Variants in LIPJ observed in about 807,000 individuals in gnomAD.
LIPJ encodes the protein lipase family member J.
In LIPJ, 33 loss-of-function variants were observed where a neutral mutation model predicts 39.8. The ratio of observed to expected loss-of-function variants is 0.83; its 90% CI spans 0.63 to 1.11. The LOEUF (loss-of-function observed/expected upper bound fraction) is 1.11, where lower values mean the gene tolerates loss of function less well. Among genes scored for constraint, LIPJ ranks in the 50% least tolerant of loss-of-function variants. The pLI is 0.00. For missense variants in LIPJ, 422 were observed against 427.9 expected (o/e 0.99, Z 0.12); for synonymous variants, 128 against 139.2 (o/e 0.92, Z 0.57).
At chr10:88,604,376 C>A (rs1460457050) in intron 9 of LIPJ, among the ~76,000 whole-genome samples, 1 of 152,156 alleles carries the variant, frequency 6.6e-6, no homozygotes, top group Non-Finnish European at 1.5e-5. Context: ...ATAGTTTACA[C>A]TTTTAAAAGG....
At chr10:88,613,328 A>G in the LIPJ span, among the ~76,000 whole-genome samples, 1 of 152,150 alleles carries the variant, frequency 6.6e-6, no homozygotes, top group Non-Finnish European at 1.5e-5. Flanking sequence ...GAAGATAAAT[A>G]AGCATAACAT....
At chr10:88,591,394 A>G in exon 4 of LIPJ, 1 of 1,600,350 alleles carries the variant, frequency 6.2e-7, no homozygotes, top group Non-Finnish European at 8.5e-7. Context: ...ATTATTTCCT[A>G]CTGGGGCTAC....
intron 2 of LIPJ, among the ~76,000 whole-genome samples, chr10:88,589,913 A>G (rs562615520): frequency 6.6e-6 from 1 of 151,878 alleles, no homozygotes; most frequent in Admixed American, 6.6e-5. Context: ...TGAGTGGTGG[A>G]GCTAGGGGTT....
chr10:88,595,738 T>C (rs1469836548), intron 6 of LIPJ, among the ~76,000 whole-genome samples: 1 of 151,544 alleles, frequency 6.6e-6, no homozygotes, highest in Non-Finnish European at 1.5e-5. Flanking sequence ...AATCAGAATA[T>C]TGATGTGTAA....
intron 7 of LIPJ, 115 bp from the exon 8 acceptor site, chr10:88,596,674 AT>A (rs1851263955): frequency 9.3e-7 from 1 of 1,079,078 alleles, no homozygotes; most frequent in Non-Finnish European, 1.3e-6. Flanking sequence ...TTTATTTAAA[AT>A]TTTCAAACTA....
chr10:88,590,826 T>C, intron 3 of LIPJ, 130 bp downstream of exon 3: 1 of 631,870 alleles, frequency 1.6e-6, no homozygotes, highest in Non-Finnish European at 2.8e-6. Context: ...TCATCTGCTA[T>C]TCTATAGCTT....
intron 4 of LIPJ, chr10:88,593,585 G>A (rs1173367952): frequency 6.3e-6 from 1 of 159,808 alleles, no homozygotes; most frequent in Non-Finnish European, 1.4e-5. Flanking sequence ...ATGGCCATGT[G>A]CCAATGGATG....
the LIPJ span, among the ~76,000 whole-genome samples, chr10:88,622,853 CAG>C: frequency 6.6e-6 from 1 of 152,210 alleles, no homozygotes; most frequent in East Asian, 1.9e-4. Context: ...GCTGCATTGA[CAG>C]AGAAAAATGG....
the LIPJ span, among the ~76,000 whole-genome samples, chr10:88,619,533 C>T: frequency 6.6e-6 from 1 of 151,066 alleles, no homozygotes; most frequent in Non-Finnish European, 1.5e-5. Flanking sequence ...GGCTTTGGCC[C>T]CATGGCCTAC....
At chr10:88,595,026 G>C (rs1467534272) in intron 6 of LIPJ, among the ~76,000 whole-genome samples, 1 of 151,722 alleles carries the variant, frequency 6.6e-6, no homozygotes, top group Non-Finnish European at 1.5e-5. Flanking sequence ...TTGTATAAAA[G>C]TTGGATATCT....
intron 8 of LIPJ, among the ~76,000 whole-genome samples, chr10:88,597,678 T>C (rs1851306033): frequency 6.6e-6 from 1 of 151,954 alleles, no homozygotes; most frequent in African/African-American, 2.4e-5. Context: ...TTGTTGACTT[T>C]GTTGATTTTG....
downstream of LIPJ, among the ~76,000 whole-genome samples, chr10:88,611,105 C>CCCCAGTACCAGCCTAGAG (rs1851745687): frequency 1.3e-5 from 2 of 152,116 alleles, no homozygotes; most frequent in Admixed American, 1.3e-4. Context: ...TGCAGACACT[C>CCCCAGTACCAGCCTAGAG]CCCAGTACCA....
chr10:88,606,540 T>C, intron 10 of LIPJ, 134 bp from the exon 11 acceptor site: 1 of 560,966 alleles, frequency 1.8e-6, no homozygotes. Flanking sequence ...TCTCAACAGA[T>C]CCAGTAAGTT....
upstream of LIPJ, among the ~76,000 whole-genome samples, chr10:88,586,230 C>T (rs773083369): frequency 3.9e-5 from 6 of 152,086 alleles, no homozygotes; most frequent in East Asian, 1.9e-4. Context: ...TTTCTCATTA[C>T]GCCCCAACCT....
At chr10:88,587,322 G>A (rs1850941951) in exon 2 of LIPJ, 1 of 151,898 alleles carries the variant, frequency 6.6e-6, no homozygotes, top group African/African-American at 2.4e-5. Flanking sequence ...TTTGCTAAAA[G>A]AAACACAATA....
At chr10:88,620,033 G>A in the LIPJ span, among the ~76,000 whole-genome samples, 1 of 151,970 alleles carries the variant, frequency 6.6e-6, no homozygotes, top group African/African-American at 2.4e-5. Context: ...GCAATTTAAA[G>A]AAACAAACAA....
At chr10:88,592,682 G>A (rs925375201) in intron 4 of LIPJ, 2 of 151,878 alleles carry the variant, frequency 1.3e-5, no homozygotes, top group African/African-American at 2.4e-5. Flanking sequence ...CCTAGAAGGA[G>A]GTGTGATCTC....
chr10:88,588,878 A>T (rs1850995349), intron 2 of LIPJ, among the ~76,000 whole-genome samples: 1 of 151,884 alleles, frequency 6.6e-6, no homozygotes, highest in African/African-American at 2.4e-5. Context: ...ACTGCAAATA[A>T]TAAGGTTAAT....
chr10:88,588,718 AT>A (rs540596663), intron 2 of LIPJ, among the ~76,000 whole-genome samples: 13 of 151,926 alleles, frequency 8.6e-5, no homozygotes, highest in Non-Finnish European at 1.5e-4. Context: ...TAACAGAAAA[AT>A]ATTTTACACT....
Sources: allele counts gnomAD v4.1 joint callset (sites outside exome capture counted in the v4.1 genomes callset), GRCh38; gene constraint gnomAD v4.1.1; transcripts MANE v1.5; gene names NCBI Gene and HGNC (gene_info 2026-07-23, HGNC 2026-07-21).